Variants in PSMF1 observed in about 807,000 individuals in gnomAD.
PSMF1 encodes the protein proteasome inhibitor PI31 subunit.
Under a neutral mutation model 29.3 loss-of-function variants are expected in PSMF1, and 30 were observed. That is an observed-to-expected ratio of 1.02 (90% CI 0.77 to 1.39). The LOEUF is 1.39. PSMF1 is among the 40% of genes most tolerant of loss of function. The pLI is 0.00. For synonymous variants in PSMF1, 134 were observed against 139.7 expected, an observed-to-expected ratio of 0.96 and a Z score of 0.29; for missense variants, 344 against 357.5, an observed-to-expected ratio of 0.96 and a Z score of 0.31.
At position 1,167,205 on chromosome 20, in the gene PSMF1, C is replaced by T. The variant is rs1474911453; in HGVS notation, c.*2125C>T. ...TTATGGTGCTTATTTTGATCTGGGC[C>T]ACTTCCCTCCTTCCAGTCATGAGTA... On this transcript the variant is annotated 3_prime_UTR_variant, in exon 7 of 7. Transcript: ENST00000335877. The T allele has an allele frequency of 3.3e-5, 5 of 152,076 alleles. No individual in the cohort carries two copies. Among genetic ancestry groups the T allele is most frequent in the African/African-American group, 9.7e-5 (4 of 41,404 alleles). The allele number at this position is 152,076 out of a possible 1,614,324, so 9.4% of individuals were successfully genotyped here. A position where few individuals can be genotyped will look rare whatever the true frequency, so the allele number is the denominator to read the frequency against.
In PSMF1 at chr20:1,164,187, C is replaced by A; in HGVS notation, c.606-131C>A. ...CACTTTCCGCTGGCTCTCAGGCAGC[C>A]ATCCACATGTCTGCTTGGGCCATCC... On this transcript the variant is annotated intron_variant, in intron 5 of 6. Transcript: ENST00000335877. The surrounding 1 kb of genome is among the most constrained non-coding windows in gnomAD (Gnocchi z 4.1). 1 of 932,076 alleles carries A rather than the reference C, an allele frequency of 1.1e-6. No individual in the cohort carries two copies. 57.7% of individuals were successfully genotyped at this position (932,076 alleles called of 1,614,324 possible).
intron 4 of PSMF1, among the ~76,000 whole-genome samples, chr20:1,150,904 T>C (rs1281083058): frequency 6.6e-6 from 1 of 152,230 alleles, no homozygotes; most frequent in African/African-American, 2.4e-5. Flanking sequence ...TGGTTTACCT[T>C]TTATGTTTAG....
At position 1,171,246 on chromosome 20, in the gene PSMF1, G is replaced by A. The variant is rs1194879487; in HGVS notation, c.*6166G>A. ...AGTGCCCAGAGCACCTGGTTAGGAG[G>A]AGCATCTGAAACCACCTGCACAACC... On this transcript the variant is annotated 3_prime_UTR_variant, in exon 7 of 7. Transcript: ENST00000335877. Among the ~76,000 whole-genome samples, 4 of 152,130 alleles carry A rather than the reference G, an allele frequency of 2.6e-5. No individual in the cohort carries two copies. Among genetic ancestry groups the A allele is most frequent in the African/African-American group, 9.7e-5 (4 of 41,414 alleles).
chr20:1,122,638 G>A (rs567997417), intron 1 of PSMF1, among the ~76,000 whole-genome samples: 5 of 152,284 alleles, frequency 3.3e-5, no homozygotes, highest in South Asian at 4.1e-4. Context: ...GTTAAACCAC[G>A]TGACTGTGTA....
At chr20:1,153,105 A>T (rs1276047886) in intron 4 of PSMF1, among the ~76,000 whole-genome samples, 1 of 152,194 alleles carries the variant, frequency 6.6e-6, no homozygotes, top group African/African-American at 2.4e-5. Flanking sequence ...CAGTCTCATT[A>T]TTCTTCTAAA....
intron 4 of PSMF1, among the ~76,000 whole-genome samples, chr20:1,150,196 G>C (rs1279801080): frequency 6.7e-6 from 1 of 148,838 alleles, no homozygotes. Flanking sequence ...AAAAAAAAAA[G>C]TGCTTTATGC....
In PSMF1 at chr20:1,166,172, C is replaced by G; in HGVS notation, c.*1092C>G. 1 of 1,605,806 alleles carries G rather than the reference C, an allele frequency of 6.2e-7. No individual in the cohort carries two copies. Among genetic ancestry groups the G allele is most frequent in the Non-Finnish European group, 8.5e-7 (1 of 1,176,812 alleles). On this transcript the variant is annotated 3_prime_UTR_variant, in exon 7 of 7. Transcript: ENST00000335877. Reference sequence around the variant, plus strand: ...TGAACTTCGGGAGGAGCAGGGAGCCCTGCACCTTGTGTCCTGGCCCACCTG... The same window carrying G: ...TGAACTTCGGGAGGAGCAGGGAGCCGTGCACCTTGTGTCCTGGCCCACCTG...
intron 1 of PSMF1, among the ~76,000 whole-genome samples, chr20:1,124,693 G>A (rs2122461947): frequency 6.6e-6 from 1 of 152,352 alleles, no homozygotes; most frequent in South Asian, 2.1e-4. Flanking sequence ...ACAGAATGCT[G>A]TGTAGCTGTG....
intron 4 of PSMF1, among the ~76,000 whole-genome samples, chr20:1,142,201 T>G (rs2086390305): frequency 6.6e-6 from 1 of 152,172 alleles, no homozygotes; most frequent in Non-Finnish European, 1.5e-5. Context: ...CACTCCAGCC[T>G]GAACGACAGA....
chr20:1,122,472 G>A (rs1416058610), intron 1 of PSMF1, among the ~76,000 whole-genome samples: 1 of 151,520 alleles, frequency 6.6e-6, no homozygotes, highest in East Asian at 1.9e-4. Context: ...AATTTTTTTT[G>A]TATTTTTAGT....
Position 1,118,602 on chromosome 20 carries a change from G to A in PSMF1, c.-172G>A. The A allele has an allele frequency of 1.3e-6, 1 of 773,298 alleles. No individual in the cohort carries two copies. The highest frequency in any genetic ancestry group is 1.9e-6 in the Non-Finnish European group (1 of 520,394). 47.9% of individuals were successfully genotyped at this position (773,298 alleles called of 1,614,324 possible). On this transcript the variant is annotated 5_prime_UTR_variant, in exon 1 of 7. Transcript: ENST00000335877. ...TGCGCCCGCTGTTGGGACTACTTCC[G>A]GCTTCCCCGCCCCGCCCCGTCCCCG...
chr20:1,130,206 CAG>C (rs1380607858), intron 3 of PSMF1, among the ~76,000 whole-genome samples: 10 of 152,074 alleles, frequency 6.6e-5, no homozygotes, highest in Admixed American at 5.9e-4. Context: ...TTAATGGGTA[CAG>C]AGTTTGTTTT....
rs1394025216 is a variant in PSMF1 at position 1,125,554 on chromosome 20, A to G, written c.186A>G (p.Lys62=). Residue 62 remains lysine, a synonymous_variant, in exon 2 of 7, where the codon AAA becomes AAG. Transcript: ENST00000335877. The stretch of plus-strand genomic sequence containing the variant: ...TGCCAGCTGGGTGGAACAACAATAA[A>G]GACCTGTATGTCCTCCGGTATGAGT... ...ELLPAGWNNN[K]DLYVLRYEYK... 3 of 1,613,872 alleles carry G rather than the reference A, an allele frequency of 1.9e-6. No homozygotes were observed. The highest frequency in any genetic ancestry group is 3.3e-5 in the Admixed American group (2 of 59,960).
intron 3 of PSMF1, among the ~76,000 whole-genome samples, chr20:1,127,905 T>C (rs1450701562): frequency 1.3e-5 from 2 of 152,234 alleles, no homozygotes; most frequent in Non-Finnish European, 2.9e-5. Context: ...GAGCAGAAAG[T>C]GCAGAGCATT....
chr20:1,118,976 C>G, intron 1 of PSMF1, 74 bp downstream of exon 1: 3 of 1,542,650 alleles, frequency 1.9e-6, no homozygotes, highest in Non-Finnish European at 2.6e-6. Flanking sequence ...GAGGCCTGGT[C>G]CAGAGCGCCC....
intron 3 of PSMF1, among the ~76,000 whole-genome samples, chr20:1,133,569 ATTTTT>A (rs1217034678): frequency 1.9e-5 from 1 of 53,304 alleles, no homozygotes; most frequent in African/African-American, 5.6e-5. Flanking sequence ...ATATATATAT[ATTTTT>A]TTTTTTTTTT....
rs1185667995 is a variant in PSMF1, at chr20:1,163,737, TG to T, written c.605+558del. On this transcript the variant is annotated intron_variant, in intron 5 of 6. Transcript: ENST00000335877. This position sits in a 1 kb window ranked among gnomAD's most constrained non-coding sequence, Gnocchi z 6.1. ...CAGCTTAAGCAGTGACCTCAAAATT[TG>T]GGGAACCATCAGCTCATTCATCCTA... is the stretch of plus-strand genomic sequence containing the variant. 6.6e-6 allele frequency among the ~76,000 whole-genome samples: 1 copy of T among 152,176 alleles called. No homozygotes were observed. Among genetic ancestry groups the T allele is most frequent in the Non-Finnish European group, 1.5e-5 (1 of 68,036 alleles).
chr20:1,145,839 A>G (rs749801245), intron 4 of PSMF1, among the ~76,000 whole-genome samples: 1 of 152,052 alleles, frequency 6.6e-6, no homozygotes, highest in Non-Finnish European at 1.5e-5. Flanking sequence ...TCCTGCCCCA[A>G]CCTGGTTTTG....
chr20:1,165,980 T>C lies in PSMF1; in HGVS notation c.*900T>C. On this transcript the variant is annotated 3_prime_UTR_variant, in exon 7 of 7. Transcript: ENST00000335877. ...TCCTGCTCTAAAGCATTTTGATGTCTCATTCTGTGTTTGGTAACCCCTATA... is the reference window on the plus strand; with the variant it reads ...TCCTGCTCTAAAGCATTTTGATGTCCCATTCTGTGTTTGGTAACCCCTATA... 2.9e-6 allele frequency: 4 copies of C among 1,403,094 alleles called. No individual in the cohort carries two copies. Among genetic ancestry groups the C allele is most frequent in the Non-Finnish European group, 3.7e-6 (4 of 1,078,828 alleles). The allele number at this position is 1,403,094 out of a possible 1,614,324, so 86.9% of individuals were successfully genotyped here.
Sources: gnomAD v4.1 joint callset for allele counts (sites outside exome capture counted in the v4.1 genomes callset) on GRCh38, gnomAD v4.1.1 for gene constraint, Gnocchi (gnomAD v3.1) non-coding constraint, MANE v1.5 for transcripts, NCBI Gene and HGNC (gene_info 2026-07-23, HGNC 2026-07-21) for gene names.